SLC4A4: variants seen among roughly 807,000 people sequenced by gnomAD.
SLC4A4 encodes solute carrier family 4 member 4.
SLC4A4 carries 27 observed loss-of-function variants against 111.5 expected under a neutral mutation model. That is an observed-to-expected ratio of 0.24 (90% CI 0.18 to 0.33). SLC4A4 has a LOEUF of 0.33. Among genes scored for constraint, SLC4A4 ranks in the 10% least tolerant of loss-of-function variants. The pLI is 1.00. For missense variants in SLC4A4, 909 were observed against 1,315.5 expected, an observed-to-expected ratio of 0.69 and a Z score of 4.78; for synonymous variants, 443 against 463.4, an observed-to-expected ratio of 0.96 and a Z score of 0.57.
At chr4:71,266,994 G>C (rs1369835635) in intron 3 of SLC4A4, among the ~76,000 whole-genome samples, 1 of 152,168 alleles carries the variant, frequency 6.6e-6, no homozygotes, top group African/African-American at 2.4e-5. Context: ...AACTACATCA[G>C]TATCAGTATC....
At chr4:71,201,820 C>T (rs1219410070) in intron 1 of SLC4A4, among the ~76,000 whole-genome samples, 2 of 151,836 alleles carry the variant, frequency 1.3e-5, no homozygotes, top group Non-Finnish European at 2.9e-5. Flanking sequence ...TGTTTTTGTA[C>T]CATTTGTGTT....
chr4:71,292,622 A>C (rs1205860450), intron 3 of SLC4A4, among the ~76,000 whole-genome samples: 2 of 152,062 alleles, frequency 1.3e-5, no homozygotes, highest in East Asian at 3.9e-4. Context: ...TTTTCTGGTT[A>C]TTTGTTCAAA....
intron 15 of SLC4A4, among the ~76,000 whole-genome samples, chr4:71,492,790 A>T (rs1730056955): frequency 6.6e-6 from 1 of 151,918 alleles, no homozygotes; most frequent in Non-Finnish European, 1.5e-5. Context: ...CCCTTTGAAT[A>T]CGAGAGTTCT....
intron 9 of SLC4A4, among the ~76,000 whole-genome samples, chr4:71,448,335 A>G (rs984201967): frequency 2.5e-4 from 38 of 152,066 alleles, no homozygotes; most frequent in African/African-American, 9.2e-4. Context: ...AAAAAAAAAA[A>G]AAAGGTTCAA....
At chr4:71,565,146 G>T (rs1284666248) in intron 24 of SLC4A4, among the ~76,000 whole-genome samples, 1 of 151,782 alleles carries the variant, frequency 6.6e-6, no homozygotes, top group African/African-American at 2.4e-5. Context: ...CCTCTACTTG[G>T]GGTACGCCCT....
intron 12 of SLC4A4, among the ~76,000 whole-genome samples, chr4:71,459,541 C>T (rs114745604): frequency 0.014 from 2,112 of 152,088 alleles, 32 homozygotes; most frequent in South Asian, 0.052. Context: ...TTTTTAATGA[C>T]CACATATATT....
intron 22 of SLC4A4, among the ~76,000 whole-genome samples, chr4:71,558,784 A>T (rs959260088): frequency 6.6e-6 from 1 of 151,886 alleles, no homozygotes; most frequent in African/African-American, 2.4e-5. Flanking sequence ...TGCAAGAAAA[A>T]ATGGATATTA....
At chr4:71,206,572 A>G (rs1717780767) in intron 1 of SLC4A4, among the ~76,000 whole-genome samples, 1 of 152,174 alleles carries the variant, frequency 6.6e-6, no homozygotes, top group Non-Finnish European at 1.5e-5. Context: ...AAATAGTACA[A>G]TACAGTGGAG....
chr4:71,217,168 A>C (rs1718479352), intron 1 of SLC4A4, among the ~76,000 whole-genome samples: 1 of 152,188 alleles, frequency 6.6e-6, no homozygotes, highest in African/African-American at 2.4e-5. Flanking sequence ...ATCCTTACTG[A>C]GACTGAATAA....
At chr4:71,214,722 A>C (rs1718322326) in intron 1 of SLC4A4, among the ~76,000 whole-genome samples, 1 of 152,250 alleles carries the variant, frequency 6.6e-6, no homozygotes, top group Non-Finnish European at 1.5e-5. Context: ...CAGAGTGCTC[A>C]GTAAATAATA....
intron 3 of SLC4A4, among the ~76,000 whole-genome samples, chr4:71,265,987 T>TA (rs1722228778): frequency 6.6e-6 from 1 of 152,222 alleles, no homozygotes; most frequent in Non-Finnish European, 1.5e-5. Context: ...TTCTATAATT[T>TA]AAAAAGTATA....
intron 12 of SLC4A4, among the ~76,000 whole-genome samples, chr4:71,464,572 C>T (rs1163829691): frequency 2.0e-5 from 3 of 152,098 alleles, no homozygotes; most frequent in African/African-American, 7.2e-5. Flanking sequence ...AGGCTTCAAA[C>T]CTAGATTTGT....
chr4:71,446,961 T>A (rs1725294351), intron 8 of SLC4A4, among the ~76,000 whole-genome samples: 1 of 152,256 alleles, frequency 6.6e-6, no homozygotes. Flanking sequence ...TTATTGTATG[T>A]TTCAGGACCT....
At chr4:71,329,557 G>T (rs1435011184) in intron 3 of SLC4A4, among the ~76,000 whole-genome samples, 1 of 151,934 alleles carries the variant, frequency 6.6e-6, no homozygotes, top group African/African-American at 2.4e-5. Context: ...CTGTTCTTAA[G>T]TATCTTATTT....
intron 1 of SLC4A4, among the ~76,000 whole-genome samples, chr4:71,090,063 C>A (rs968250207): frequency 2.6e-5 from 4 of 152,028 alleles, no homozygotes; most frequent in Admixed American, 2.6e-4. Flanking sequence ...GCTTCCTCGC[C>A]AGTTTGTTTA....
chr4:71,511,986 T>A (rs1731974821), intron 16 of SLC4A4, among the ~76,000 whole-genome samples: 1 of 152,204 alleles, frequency 6.6e-6, no homozygotes, highest in Non-Finnish European at 1.5e-5. Flanking sequence ...ATTATATATG[T>A]ATATGTCACA....
chr4:71,119,561 C>CT (rs1229898411), intron 2 of SLC4A4, among the ~76,000 whole-genome samples: 27 of 151,230 alleles, frequency 1.8e-4, no homozygotes, highest in South Asian at 4.2e-4. Context: ...AAGTTTAATT[C>CT]TTTTTTTTTA....
chr4:71,450,295 C>A, intron 9 of SLC4A4, 94 bp from the exon 10 acceptor site: 1 of 892,348 alleles, frequency 1.1e-6, no homozygotes. Context: ...ATTAATAGCA[C>A]AGTTGTTATG....
chr4:71,174,812 G>A (rs906215598), intron 2 of SLC4A4, among the ~76,000 whole-genome samples: 4 of 152,126 alleles, frequency 2.6e-5, no homozygotes, highest in African/African-American at 9.7e-5. Context: ...GCATGATTAT[G>A]GCTTACGATG....
Sources: allele counts gnomAD v4.1 joint callset (sites outside exome capture counted in the v4.1 genomes callset), GRCh38; gene constraint gnomAD v4.1.1; transcripts MANE v1.5; gene names NCBI Gene and HGNC (gene_info 2026-07-23, HGNC 2026-07-21).